The following DPP10 variants were observed in gnomAD, a reference collection of about 807,000 sequenced individuals.
The protein encoded by DPP10 is dipeptidyl peptidase like 10.
Under a neutral mutation model 120.9 loss-of-function variants are expected in DPP10, and 33 were observed. The observed-to-expected ratio is 0.27, with a 90% CI of 0.21 to 0.37. DPP10 has a LOEUF of 0.37. DPP10 is among the 10% of genes least tolerant of loss of function. The pLI is 1.00. For missense variants in DPP10, 816 were observed against 942.8 expected (o/e 0.87, Z 1.76); for synonymous variants, 337 against 326.1 (o/e 1.03, Z -0.36).
rs1334326045 is a variant in DPP10 at position 114,663,986 on chromosome 2, T to G, written c.60+221148T>G. 2.0e-5 allele frequency among the ~76,000 whole-genome samples: 3 copies of G among 151,972 alleles called. No individual in the cohort carries two copies. The East Asian group carries it at 5.8e-4, about 30-fold the overall frequency. On this transcript the variant is annotated intron_variant, in intron 1 of 25. Transcript: ENST00000410059. ...AGAGAGACAATCTGGGGAAGGAGCG[T>G]AAGTGTGCATCATCTGCAGACATCA...
chr2:114,906,091 A>T (rs1445241154), intron 1 of DPP10, among the ~76,000 whole-genome samples: 1 of 152,082 alleles, frequency 6.6e-6, no homozygotes, highest in Non-Finnish European at 1.5e-5. Flanking sequence ...AGAAGTCGTG[A>T]ACCTGGGCCG....
chr2:115,288,231 G>GT (rs1435974549), intron 1 of DPP10, among the ~76,000 whole-genome samples: 1 of 151,860 alleles, frequency 6.6e-6, no homozygotes, highest in Non-Finnish European at 1.5e-5. Context: ...TCTGGCTGGA[G>GT]TAAGGTGGTA....
chr2:115,529,085 T>G (rs999320527), intron 5 of DPP10, among the ~76,000 whole-genome samples: 1 of 152,142 alleles, frequency 6.6e-6, no homozygotes, highest in Non-Finnish European at 1.5e-5. Context: ...TAATGGCATG[T>G]AAAAATAATT....
intron 1 of DPP10, among the ~76,000 whole-genome samples, chr2:114,498,193 C>G (rs1682847128): frequency 6.6e-6 from 1 of 152,144 alleles, no homozygotes; most frequent in Non-Finnish European, 1.5e-5. Context: ...GAAATTTACT[C>G]TCATTTTGAA....
chr2:115,520,187 G>A (rs1045775073), intron 4 of DPP10, among the ~76,000 whole-genome samples: 24 of 152,040 alleles, frequency 1.6e-4, no homozygotes, highest in Admixed American at 5.2e-4. Flanking sequence ...GCGTGGTGGC[G>A]GGCACCTGTA....
intron 1 of DPP10, among the ~76,000 whole-genome samples, chr2:114,924,670 T>C (rs1476991140): frequency 1.3e-5 from 2 of 151,870 alleles, no homozygotes; most frequent in African/African-American, 4.8e-5. Context: ...GAAAAGGAAA[T>C]AAGACTGGTT....
chr2:114,548,912 T>C (rs1402939004), intron 1 of DPP10, among the ~76,000 whole-genome samples: 1 of 152,112 alleles, frequency 6.6e-6, no homozygotes. Flanking sequence ...TTAGTTCCAG[T>C]TAAAGAGAGA....
intron 1 of DPP10, among the ~76,000 whole-genome samples, chr2:114,657,947 G>A (rs1318281144): frequency 1.3e-5 from 2 of 152,106 alleles, no homozygotes; most frequent in Admixed American, 6.6e-5. Context: ...ACCTACGCAT[G>A]TGTATAAATA....
chr2:115,303,382 A>T (rs758814835), intron 1 of DPP10, among the ~76,000 whole-genome samples: 1 of 151,842 alleles, frequency 6.6e-6, no homozygotes, highest in Admixed American at 6.6e-5. Flanking sequence ...AATGTTGTCA[A>T]TTATTTTTTC....
chr2:115,525,805 A>G (rs747703003), intron 4 of DPP10, 93 bp from the exon 5 acceptor site: 1 of 829,336 alleles, frequency 1.2e-6, no homozygotes. Context: ...GCCATTTTAT[A>G]GTGCTATGAA....
At chr2:115,603,779 A>G (rs2149225605) in intron 5 of DPP10, among the ~76,000 whole-genome samples, 3 of 152,114 alleles carry the variant, frequency 2.0e-5, no homozygotes, top group Middle Eastern at 6.8e-3. Context: ...ACAAGATGTG[A>G]GAGAAACACA....
intron 1 of DPP10, among the ~76,000 whole-genome samples, chr2:115,072,493 C>T (rs1427426271): frequency 1.3e-5 from 2 of 152,134 alleles, no homozygotes; most frequent in Non-Finnish European, 2.9e-5. Context: ...GCACTGACTG[C>T]TGCTATTCTG....
intron 1 of DPP10, among the ~76,000 whole-genome samples, chr2:114,705,315 A>T (rs1328513089): frequency 6.6e-6 from 1 of 152,182 alleles, no homozygotes. Context: ...CTATAAATTT[A>T]TCTTAAATTT....
At chr2:114,540,867 T>TTCTTAG (rs1686894246) in intron 1 of DPP10, among the ~76,000 whole-genome samples, 2 of 152,170 alleles carry the variant, frequency 1.3e-5, no homozygotes, top group African/African-American at 4.8e-5. Flanking sequence ...GTCCAATCTC[T>TTCTTAG]TCTTAGTCTT....
In DPP10 at chr2:114,486,139, A is replaced by G. The variant is rs111732705; in HGVS notation, c.60+43301A>G. On this transcript the variant is annotated intron_variant, in intron 1 of 25. Transcript: ENST00000410059. ...TATGTTAAGAAATTCTGGAAATTCA[A>G]CGCTGTAGTACTGCCATCCTGTGTA... Among the ~76,000 whole-genome samples, 865 of 152,196 alleles carry G rather than the reference A, an allele frequency of 5.7e-3. 7 individuals carry two copies. The highest frequency in any genetic ancestry group is 0.018 in the African/African-American group (732 of 41,538).
At chr2:115,305,043 C>T (rs564721780) in intron 1 of DPP10, among the ~76,000 whole-genome samples, 29 of 152,040 alleles carry the variant, frequency 1.9e-4, no homozygotes, top group East Asian at 5.8e-4. Flanking sequence ...TATGATCTGA[C>T]GTTGAACACA....
At chr2:115,615,744 A>T (rs2084446498) in intron 5 of DPP10, among the ~76,000 whole-genome samples, 1 of 152,196 alleles carries the variant, frequency 6.6e-6, no homozygotes, top group Non-Finnish European at 1.5e-5. Flanking sequence ...AATATTTTCG[A>T]AAAATGGAAG....
chr2:114,933,886 A>G (rs1696264699), intron 1 of DPP10, among the ~76,000 whole-genome samples: 1 of 152,172 alleles, frequency 6.6e-6, no homozygotes, highest in Non-Finnish European at 1.5e-5. Context: ...GTCACCACAC[A>G]TTGAGACATT....
intron 12 of DPP10, among the ~76,000 whole-genome samples, chr2:115,766,176 G>A (rs1245464356): frequency 2.6e-5 from 4 of 151,436 alleles, no homozygotes; most frequent in African/African-American, 9.7e-5. Context: ...GTAAATATGA[G>A]ATTAGTGCAA....
Sources: allele counts gnomAD v4.1 joint callset (sites outside exome capture counted in the v4.1 genomes callset), GRCh38; gene constraint gnomAD v4.1.1; transcripts MANE v1.5; gene names NCBI Gene and HGNC (gene_info 2026-07-23, HGNC 2026-07-21).